The following CTNNA3 variants were observed in gnomAD, a reference collection of about 807,000 sequenced individuals.
CTNNA3 encodes the protein catenin alpha-3.
CTNNA3 carries 76 observed loss-of-function variants against 95.7 expected under a neutral mutation model. That is an observed-to-expected ratio of 0.79 (90% CI 0.66 to 0.96). The LOEUF (loss-of-function observed/expected upper bound fraction) is 0.96, where lower values mean the gene tolerates loss of function less well. Ranked by LOEUF, CTNNA3 falls within the 40% of genes least tolerant of loss-of-function variation. The probability of loss-of-function intolerance (pLI) is 0.00; values close to 1 mark genes in which losing one functional copy is unlikely to be tolerated. For synonymous variants in CTNNA3, 431 were observed against 374.4 expected, an observed-to-expected ratio of 1.15 and a Z score of -1.74; for missense variants, 1,191 against 1,089.8, an observed-to-expected ratio of 1.09 and a Z score of -1.31.
chr10:66,151,543 C>T (rs141079624), intron 13 of CTNNA3, among the ~76,000 whole-genome samples: 179 of 151,888 alleles, frequency 1.2e-3, no homozygotes, highest in Middle Eastern at 6.8e-3. Context: ...ATGAGTCACA[C>T]GTGACTCATT....
intron 9 of CTNNA3, among the ~76,000 whole-genome samples, chr10:66,747,418 G>A (rs1369128395): frequency 6.6e-6 from 1 of 152,154 alleles, no homozygotes; most frequent in African/African-American, 2.4e-5. Context: ...CTTGAGACCT[G>A]TCTAGCTCCG....
intron 5 of CTNNA3, among the ~76,000 whole-genome samples, chr10:67,438,910 TGA>T (rs1846397745): frequency 6.6e-6 from 1 of 152,166 alleles, no homozygotes; most frequent in Non-Finnish European, 1.5e-5. Context: ...GGTCAGAACT[TGA>T]GTTTCTTGAC....
At chr10:66,958,387 G>A (rs1227654729) in intron 7 of CTNNA3, among the ~76,000 whole-genome samples, 1 of 147,576 alleles carries the variant, frequency 6.8e-6, no homozygotes, top group Non-Finnish European at 1.5e-5. Flanking sequence ...TTAATAGAAA[G>A]CAGATTTAAA....
At chr10:66,090,714 T>G (rs1430613803) in intron 14 of CTNNA3, among the ~76,000 whole-genome samples, 1 of 152,022 alleles carries the variant, frequency 6.6e-6, no homozygotes, top group Non-Finnish European at 1.5e-5. Flanking sequence ...AGTACATGAC[T>G]ATTACATAGC....
At chr10:66,335,331 C>G (rs902093466) in intron 12 of CTNNA3, among the ~76,000 whole-genome samples, 1 of 152,034 alleles carries the variant, frequency 6.6e-6, no homozygotes, top group African/African-American at 2.4e-5. Context: ...TCCAGTTTTT[C>G]TGCTTTGTTT....
At chr10:67,652,697 AT>A (rs1194878307) in intron 1 of CTNNA3, among the ~76,000 whole-genome samples, 4 of 145,628 alleles carry the variant, frequency 2.7e-5, no homozygotes, top group Non-Finnish European at 5.9e-5. Flanking sequence ...TTTAATACGA[AT>A]TATAACATTT....
At chr10:66,284,472 C>A (rs183670270) in intron 12 of CTNNA3, among the ~76,000 whole-genome samples, 1 of 151,984 alleles carries the variant, frequency 6.6e-6, no homozygotes, top group East Asian at 1.9e-4. Context: ...AATTGCTGCT[C>A]TCCTGGGGGA....
At chr10:67,251,907 G>A (rs753452384) in intron 5 of CTNNA3, among the ~76,000 whole-genome samples, 1 of 152,180 alleles carries the variant, frequency 6.6e-6, no homozygotes, top group East Asian at 1.9e-4. Flanking sequence ...GGCCTCAGAT[G>A]TTTAGAAAGA....
At chr10:66,071,159 T>C (rs929187891) in intron 14 of CTNNA3, among the ~76,000 whole-genome samples, 1 of 152,184 alleles carries the variant, frequency 6.6e-6, no homozygotes, top group African/African-American at 2.4e-5. Context: ...ATTGAATTAT[T>C]TTGTTCAAGT....
At chr10:67,277,838 G>A (rs1839244776) in intron 5 of CTNNA3, among the ~76,000 whole-genome samples, 2 of 152,106 alleles carry the variant, frequency 1.3e-5, no homozygotes, top group Admixed American at 1.3e-4. Context: ...ACACTGTCTG[G>A]TTTAAAAAGA....
chr10:66,047,826 C>A (rs1488796851), intron 15 of CTNNA3, among the ~76,000 whole-genome samples: 1 of 152,090 alleles, frequency 6.6e-6, no homozygotes, highest in Non-Finnish European at 1.5e-5. Flanking sequence ...TTCCTATACA[C>A]CCACAATAGC....
intron 11 of CTNNA3, among the ~76,000 whole-genome samples, chr10:66,406,618 C>T (rs16923012): frequency 0.13 from 19,655 of 152,090 alleles, 1,699 homozygotes; most frequent in African/African-American, 0.24. Context: ...CCAAATGACA[C>T]AAAGAGATAA....
rs1407090986 is a variant in CTNNA3 at position 67,219,877 on chromosome 10, A to G, written c.580-7T>C. 14 of 1,598,104 alleles carry G rather than the reference A, an allele frequency of 8.8e-6. No individual in the cohort carries two copies. Among genetic ancestry groups the G allele is most frequent in the Non-Finnish European group, 1.1e-5 (13 of 1,169,828 alleles). ...GATTTGGAGATTTTAAGTCCTGAGA[A>G]GGTAAATAAAAAGAGTGGTATCTTA... On this transcript the variant is annotated splice_region_variant and splice_polypyrimidine_tract_variant and intron_variant, in intron 5 of 17. Transcript: ENST00000433211.
intron 5 of CTNNA3, among the ~76,000 whole-genome samples, chr10:67,490,800 G>A (rs994438831): frequency 5.9e-5 from 9 of 152,022 alleles, no homozygotes; most frequent in African/African-American, 1.9e-4. Context: ...TTGGGAGAGA[G>A]AAGGGTAACA....
intron 2 of CTNNA3, among the ~76,000 whole-genome samples, chr10:67,611,999 C>T (rs924859979): frequency 2.6e-5 from 4 of 152,062 alleles, no homozygotes; most frequent in Non-Finnish European, 5.9e-5. Context: ...AAACCAGTCT[C>T]GGGGAGGAGA....
chr10:67,041,979 T>C (rs962290773), intron 7 of CTNNA3, among the ~76,000 whole-genome samples: 5 of 152,102 alleles, frequency 3.3e-5, no homozygotes, highest in African/African-American at 9.7e-5. Flanking sequence ...GCATATATAG[T>C]AGTTTGATAA....
intron 7 of CTNNA3, among the ~76,000 whole-genome samples, chr10:66,958,136 T>C (rs967302354): frequency 4.6e-5 from 7 of 152,120 alleles, no homozygotes; most frequent in Admixed American, 1.3e-4. Context: ...CCAGATAATC[T>C]CAGGAGTTTA....
At chr10:67,019,660 G>A (rs776116284) in intron 7 of CTNNA3, among the ~76,000 whole-genome samples, 1 of 152,130 alleles carries the variant, frequency 6.6e-6, no homozygotes, top group Non-Finnish European at 1.5e-5. Flanking sequence ...TATAGCTGGG[G>A]CTCAAAGTCA....
chr10:66,148,654 A>T (rs144981135), intron 13 of CTNNA3, among the ~76,000 whole-genome samples: 247 of 152,150 alleles, frequency 1.6e-3, no homozygotes, highest in Non-Finnish European at 2.7e-3. Flanking sequence ...GAGAGCCCTC[A>T]TTTGACACCA....
Sources: allele counts gnomAD v4.1 joint callset (sites outside exome capture counted in the v4.1 genomes callset), GRCh38; gene constraint gnomAD v4.1.1; transcripts MANE v1.5; gene names NCBI Gene and HGNC (gene_info 2026-07-23, HGNC 2026-07-21).